Variants in TIA1 observed in about 807,000 individuals in gnomAD.
TIA1 encodes the protein cytotoxic granule associated RNA binding protein TIA1.
Under a neutral mutation model 65.9 loss-of-function variants are expected in TIA1, and 23 were observed. That is an observed-to-expected ratio of 0.35 (90% CI 0.25 to 0.49). The LOEUF is 0.49. TIA1 is among the 20% of genes least tolerant of loss of function. The pLI, the probability that TIA1 is intolerant of heterozygous loss-of-function variation, is 0.98. For missense variants in TIA1, 371 were observed against 477.9 expected, an observed-to-expected ratio of 0.78 and a Z score of 2.09; for synonymous variants, 147 against 149.4, an observed-to-expected ratio of 0.98 and a Z score of 0.12.
At chr2:70,233,897 C>T (rs544594159) in intron 2 of TIA1, among the ~76,000 whole-genome samples, 1 of 152,044 alleles carries the variant, frequency 6.6e-6, no homozygotes, top group South Asian at 2.1e-4. Context: ...ATTATCAGTC[C>T]AGGGAGCATA....
intron 2 of TIA1, 64 bp from the exon 3 acceptor site, chr2:70,230,918 T>TAA (rs570158009): frequency 2.4e-5 from 28 of 1,143,158 alleles, no homozygotes; most frequent in South Asian, 3.2e-5. Flanking sequence ...TAAAATTATG[T>TAA]AAAAAAAAAA....
At chr2:70,228,512 C>G in intron 5 of TIA1, 1 of 1,171,394 alleles carries the variant, frequency 8.5e-7, no homozygotes, top group Admixed American at 3.9e-5. Flanking sequence ...ATATCAGAAC[C>G]ATTAAAAAAG....
At position 70,248,395 on chromosome 2, in the gene TIA1, C is replaced by G; in HGVS notation, c.26+10G>C. 1 of 1,600,060 alleles carries G rather than the reference C, an allele frequency of 6.2e-7. No homozygotes were observed. Among genetic ancestry groups the G allele is most frequent in the Non-Finnish European group, 8.5e-7 (1 of 1,179,746 alleles). On this transcript the variant is annotated intron_variant, in intron 1 of 12. Transcript: ENST00000433529. ...CCATCCCGCCTCCCTCATCGCTGCC[C>G]CAGACTCACAGAGTCTTGGGCATCT...
At chr2:70,236,346 T>G (rs1243621888) in intron 1 of TIA1, among the ~76,000 whole-genome samples, 171 bp from the exon 2 acceptor site, 5 of 152,032 alleles carry the variant, frequency 3.3e-5, no homozygotes, top group African/African-American at 9.7e-5. Flanking sequence ...ATTACAGGCA[T>G]GCGTGACCAC....
Position 70,230,941 on chromosome 2 carries a change from G to C in TIA1, c.124-87C>G, listed in dbSNP as rs1685995477. On this transcript the variant is annotated intron_variant, in intron 2 of 12. Transcript: ENST00000433529. ...TGTAAAAAAAAAAATCTTAAACCAA[G>C]TTTTATACATCTAAGTTATCAGGCC... 1.4e-5 allele frequency: 13 copies of C among 919,898 alleles called. No individual in the cohort carries two copies. In the South Asian group the frequency reaches 2.1e-4, roughly 15 times the overall value. 57.0% of individuals were successfully genotyped at this position (919,898 alleles called of 1,614,324 possible).
chr2:70,228,398 C>T, intron 5 of TIA1: 1 of 1,288,370 alleles, frequency 7.8e-7, no homozygotes, highest in Non-Finnish European at 1.0e-6. Context: ...CAAAAGCCAA[C>T]AGTTTTGGTT....
chr2:70,232,699 T>TCTCTA (rs1233890399), intron 2 of TIA1, among the ~76,000 whole-genome samples: 1 of 151,000 alleles, frequency 6.6e-6, no homozygotes, highest in African/African-American at 2.4e-5. Flanking sequence ...TGAAACCTCA[T>TCTCTA]CTCTACTAAA....
intron 1 of TIA1, among the ~76,000 whole-genome samples, chr2:70,240,694 C>T (rs996905319): frequency 2.0e-5 from 3 of 152,074 alleles, no homozygotes; most frequent in Non-Finnish European, 4.4e-5. Flanking sequence ...CATGGTGAAA[C>T]CTCATCTCTA....
intron 1 of TIA1, among the ~76,000 whole-genome samples, chr2:70,238,259 A>G (rs888063187): frequency 1.7e-4 from 22 of 128,688 alleles, no homozygotes; most frequent in Non-Finnish European, 3.6e-4. Context: ...CGTTCCCCCA[A>G]GTTTTTTTTT....
In TIA1 at chr2:70,233,448, A is replaced by C. The variant is rs181158724; in HGVS notation, c.124-2594T>G. Among the ~76,000 whole-genome samples the C allele has an allele frequency of 3.7e-3, 571 of 152,352 alleles. 5 individuals carry two copies. Among genetic ancestry groups the C allele is most frequent in the Non-Finnish European group, 6.1e-3 (414 of 68,038 alleles). The stretch of plus-strand genomic sequence containing the variant: ...AATTCTATTACCAAGATCAATGCTG[A>C]CAGGCAACACTGAAATGAAGTTAGA... On this transcript the variant is annotated intron_variant, in intron 2 of 12. Coordinates refer to ENST00000433529, the MANE Select transcript of TIA1 (RefSeq NM_022173.4).
intron 7 of TIA1, among the ~76,000 whole-genome samples, chr2:70,218,883 C>T (rs1172967209): frequency 1.3e-5 from 2 of 152,144 alleles, no homozygotes; most frequent in African/African-American, 4.8e-5. Context: ...GTAACTTAAA[C>T]TCAAGGCCAA....
In TIA1 at chr2:70,242,494, C is replaced by CAAAAAAAAA. The variant is rs11380260; in HGVS notation, c.26+5902_26+5910dup. ...AGCCTGAGTGACAGAGACTCAGTCT[C>CAAAAAAAAA]AAAAAAAAAAAAAAAAAAAAAAAAA... On this transcript the variant is annotated intron_variant, in intron 1 of 12. Coordinates refer to ENST00000433529, the MANE Select transcript of TIA1 (RefSeq NM_022173.4). Among the ~76,000 whole-genome samples the CAAAAAAAAA allele has an allele frequency of 6.8e-3, 229 of 33,466 alleles. 50 individuals are homozygous for CAAAAAAAAA. The highest frequency in any genetic ancestry group is 0.031 in the African/African-American group (215 of 7,046). The allele number at this position is 33,466 out of a possible 152,430, so 22.0% of individuals were successfully genotyped here.
At chr2:70,239,471 T>C (rs1301462277) in intron 1 of TIA1, among the ~76,000 whole-genome samples, 1 of 152,318 alleles carries the variant, frequency 6.6e-6, no homozygotes, top group East Asian at 1.9e-4. Context: ...GTTAGAGGTT[T>C]ATCAGTTCTG....
At chr2:70,228,567 G>A in intron 5 of TIA1, 2 of 1,095,900 alleles carry the variant, frequency 1.8e-6, no homozygotes, top group Non-Finnish European at 2.2e-6. Context: ...TTTTAAAAAA[G>A]ACAATTATCA....
chr2:70,220,188 T>C (rs1320882939), intron 7 of TIA1, among the ~76,000 whole-genome samples: 7 of 151,896 alleles, frequency 4.6e-5, no homozygotes, highest in Non-Finnish European at 8.8e-5. Flanking sequence ...GGCAGGTGGA[T>C]CATGAGCCCA....
Position 70,210,200 on chromosome 2 carries a change from C to T in TIA1, c.*2519G>A, listed in dbSNP as rs1676137728. 2 of 153,000 alleles carry T rather than the reference C, an allele frequency of 1.3e-5. No individual in the cohort carries two copies. The highest frequency in any genetic ancestry group is 2.9e-5 in the Non-Finnish European group (2 of 68,692). 9.5% of individuals were successfully genotyped at this position (153,000 alleles called of 1,614,324 possible). ...CAATAATCACTGCAAGAAGATCCCA[C>T]AGGTTATAGAAAACATAAAGGAACT... On this transcript the variant is annotated 3_prime_UTR_variant, in exon 13 of 13. Coordinates refer to ENST00000433529, the MANE Select transcript of TIA1 (RefSeq NM_022173.4).
intron 8 of TIA1, 26 bp from the exon 9 acceptor site, chr2:70,216,525 T>C (rs1171978481): frequency 1.3e-6 from 2 of 1,584,278 alleles, no homozygotes; most frequent in East Asian, 4.5e-5. Flanking sequence ...GTTTATGTCT[T>C]TAATTCATTA....
In TIA1 at chr2:70,230,804, A is replaced by G. The variant is rs1191390967; in HGVS notation, c.174T>C (p.His58=). ...TCATAGCAGCTAATGCTGCAGCTGC[A>G]TGACGATGCTCATGAAACTCCACAA... The part of the protein sequence containing the change: ...YCFVEFHEHR[H]AAAALAAMNG... Residue 58 remains histidine, a synonymous_variant, in exon 3 of 13, where the codon CAT becomes CAC. Coordinates refer to ENST00000433529, the MANE Select transcript of TIA1 (RefSeq NM_022173.4). 1.2e-6 allele frequency: 2 copies of G among 1,613,100 alleles called. No individual in the cohort carries two copies. Among genetic ancestry groups the G allele is most frequent in the Admixed American group, 1.7e-5 (1 of 59,816 alleles).
At chr2:70,216,697 G>A in intron 8 of TIA1, 189 bp downstream of exon 8, 1 of 1,470,398 alleles carries the variant, frequency 6.8e-7, no homozygotes, top group Non-Finnish European at 9.0e-7. Context: ...TATTTAATAG[G>A]AGACTTGACA....
Sources: allele counts gnomAD v4.1 joint callset (sites outside exome capture counted in the v4.1 genomes callset), GRCh38; gene constraint gnomAD v4.1.1; transcripts MANE v1.5; gene names NCBI Gene and HGNC (gene_info 2026-07-23, HGNC 2026-07-21).